The following TTN variants were observed in gnomAD, a reference collection of about 807,000 sequenced individuals.
The protein encoded by TTN is titin.
In TTN, 1,525 loss-of-function variants were observed where a neutral mutation model predicts 3,223.0. The observed-to-expected ratio is 0.47, with a 90% confidence interval of 0.45 to 0.49. The LOEUF (loss-of-function observed/expected upper bound fraction) is 0.49, where lower values mean the gene tolerates loss of function less well. Among genes scored for constraint, TTN ranks in the 20% least tolerant of loss-of-function variants. The pLI, the probability that TTN is intolerant of heterozygous loss-of-function variation, is 0.00. For missense variants in TTN, 40,786 were observed against 43,424.0 expected, an observed-to-expected ratio of 0.94 and a Z score of 5.40; for synonymous variants, 14,094 against 15,161.0, an observed-to-expected ratio of 0.93 and a Z score of 5.17.
chr2:178,685,635 G>C, intron 127 of TTN, 37 bp from the exon 128 acceptor site: 1 of 1,588,162 alleles, frequency 6.3e-7, no homozygotes, highest in Non-Finnish European at 8.6e-7. Flanking sequence ...ATAAATTACA[G>C]TGTTTTTCAT....
chr2:178,666,170 G>A (rs1320968905), intron 163 of TTN, among the ~76,000 whole-genome samples: 1 of 152,074 alleles, frequency 6.6e-6, no homozygotes, highest in Non-Finnish European at 1.5e-5. Context: ...AAAGGTGAGT[G>A]TTTTTCAAGT....
rs1042860959 is a variant in TTN at position 178,795,166 on chromosome 2, G to T, written c.1001C>A (p.Thr334Asn). ...PLLMRKTQAS[T>N]VATGPEVPPP... ...AGGCACTTCAGGACCTGTGGCCACG[G>T]TGGATGCCTGAGTCTTACGCATGAG... The change falls in exon 7 of 363, where the codon ACC becomes AAC. Residue 334 changes from threonine (T) to asparagine (N), a missense_variant. Physicochemically the swap from Thr to Asn is moderately conservative, Grantham distance 65. Transcript: ENST00000589042. The T allele has an allele frequency of 1.2e-6, 2 of 1,614,054 alleles. No homozygotes were observed. The highest frequency in any genetic ancestry group is 2.7e-5 in the African/African-American group (2 of 74,934).
Position 178,553,638 on chromosome 2 carries a change from C to A in TTN, c.89367G>T (p.Glu29789Asp). 6.2e-7 allele frequency: 1 copy of A among 1,613,820 alleles called. No individual in the cohort carries two copies. Among genetic ancestry groups the A allele is most frequent in the Non-Finnish European group, 8.5e-7 (1 of 1,179,806 alleles). Residue 29789 changes from glutamate (E) to aspartate (D), a missense_variant, in exon 334 of 363, where the codon GAG becomes GAT. Coordinates refer to ENST00000589042, the MANE Select transcript of TTN (RefSeq NM_001267550.2). ...EEWTTVSTKG[E>D]VRTTEYVVSN... is the part of the protein sequence containing the mutation. ...ATACCACATATTCTGTAGTTCTGACCTCTCCTTTGGTAGAGACAGTAGTCC... is the reference window on the plus strand; with the variant it reads ...ATACCACATATTCTGTAGTTCTGACATCTCCTTTGGTAGAGACAGTAGTCC...
rs1312330710 is a variant in TTN, at chr2:178,548,567, G to C, written c.93059C>G (p.Pro31020Arg). 1 of 1,613,890 alleles carries C rather than the reference G, an allele frequency of 6.2e-7. No homozygotes were observed. Among genetic ancestry groups the C allele is most frequent in the Middle Eastern group, 1.6e-4 (1 of 6,062 alleles). ...TVKVLDTPGP[P>R]GPITFKDVTR... ...CACATCTTTGAAGGTAATTGGGCCA[G>C]GTGGGCCTGGAGTGTCTAGCACTTT... is the stretch of plus-strand genomic sequence containing the variant. Residue 31020 changes from proline (P) to arginine (R), a missense_variant, in exon 339 of 363, where the codon CCT becomes CGT. Physicochemically the swap from Pro to Arg is moderately radical, Grantham distance 103. Coordinates refer to ENST00000589042, the MANE Select transcript of TTN (RefSeq NM_001267550.2). The surrounding 1 kb of genome is among the most constrained non-coding windows in gnomAD (Gnocchi z 4.3).
At chr2:178,746,539 T>A (rs1408293901) in intron 47 of TTN, 11 of 1,613,274 alleles carry the variant, frequency 6.8e-6, no homozygotes, top group Non-Finnish European at 9.3e-6. Flanking sequence ...CATGCTGATG[T>A]GTTACTGGAG....
intron 98 of TTN, among the ~76,000 whole-genome samples, chr2:178,710,216 C>T (rs755188031): frequency 9.9e-5 from 15 of 152,140 alleles, no homozygotes; most frequent in East Asian, 3.9e-4. Flanking sequence ...GAGGCCAAGG[C>T]GGGTGGATCA....
Position 178,705,264 on chromosome 2 carries a change from A to G in TTN, c.29514T>C (p.Tyr9838=). 6.2e-7 allele frequency: 1 copy of G among 1,613,652 alleles called. No homozygotes were observed. ...KNVDPKEYEK[Y]ARMYGITDFR... The stretch of plus-strand genomic sequence containing the variant: ...AGTCAGTGATTCCATACATGCGGGC[A>G]TATTTTTCATATTCTTTAGGATCAA... Residue 9838 remains tyrosine, a synonymous_variant, in exon 103 of 363, where the codon TAT becomes TAC. Coordinates refer to ENST00000589042, the MANE Select transcript of TTN (RefSeq NM_001267550.2).
In TTN at chr2:178,553,692, G is replaced by A. The variant is rs746897918; in HGVS notation, c.89313C>T (p.Val29771=). 7.4e-6 allele frequency: 12 copies of A among 1,613,576 alleles called. No individual in the cohort carries two copies. Among genetic ancestry groups the A allele is most frequent in the Admixed American group, 5.0e-5 (3 of 59,972 alleles). The change falls in exon 334 of 363, where the codon GTC becomes GTT. Residue 29771 remains valine (V), a synonymous_variant. Coordinates refer to ENST00000589042, the MANE Select transcript of TTN (RefSeq NM_001267550.2). ...CCTCTTCCTCTCCTTGTCTTATCTC[G>A]ACAACATACCCAGTAACAGCACTGC... ...DGGSAVTGYV[V]EIRQGEEEEW...
chr2:178,748,646 T>A, intron 47 of TTN: 1 of 1,613,056 alleles, frequency 6.2e-7, no homozygotes, highest in Non-Finnish European at 8.5e-7. Flanking sequence ...CACATCTGTG[T>A]GTTTTATTTG....
chr2:178,618,468 A>AGTTAC lies in TTN; in HGVS notation c.46985_46989dup (p.Leu15664ValfsTer3). On this transcript the variant is annotated frameshift_variant, in exon 252 of 363. Coordinates refer to ENST00000589042, the MANE Select transcript of TTN (RefSeq NM_001267550.2). LOFTEE classifies it high-confidence loss of function. ...CCATCAAATGTTTCTGTCACTTCTA[A>AGTTAC]GTTACGTACTGGCCCAGGAACATCT... The AGTTAC allele has an allele frequency of 6.2e-7, 1 of 1,612,446 alleles. No homozygotes were observed. The highest frequency in any genetic ancestry group is 8.5e-7 in the Non-Finnish European group (1 of 1,179,086).
At position 178,562,442 on chromosome 2, in the gene TTN, C is replaced by G. The variant is rs764302785; in HGVS notation, c.83690G>C (p.Gly27897Ala). 6.2e-6 allele frequency: 10 copies of G among 1,613,256 alleles called. No individual in the cohort carries two copies. Among genetic ancestry groups the G allele is most frequent in the Non-Finnish European group, 8.5e-6 (10 of 1,179,638 alleles). The change falls in exon 326 of 363, where the codon GGT becomes GCT. Residue 27897 changes from glycine to alanine, a missense_variant. By Grantham distance (60) the Gly-to-Ala change is moderately conservative (BLOSUM62 0). Coordinates refer to ENST00000589042, the MANE Select transcript of TTN (RefSeq NM_001267550.2). The stretch of plus-strand genomic sequence containing the variant: ...TTTAGTCTGCATTTCAACCACATAA[C>G]CAGTAATTTTGCTGCCACCATCACT... ...PESDGGSKIT[G>A]YVVEMQTKGS... is the part of the protein sequence containing the mutation.
chr2:178,615,824 A>G, intron 257 of TTN, 36 bp from the exon 258 acceptor site: 2 of 1,573,794 alleles, frequency 1.3e-6, no homozygotes, highest in South Asian at 1.2e-5. Flanking sequence ...AGTTATTTCC[A>G]AAAAACCCTT....
Position 178,561,878 on chromosome 2 carries a change from C to T in TTN, c.84254G>A (p.Cys28085Tyr). The change falls in exon 326 of 363, where the codon TGC (cysteine) becomes TAC (tyrosine). Residue 28085 changes from cysteine (C) to tyrosine (Y), a missense_variant. By Grantham distance (194) the Cys-to-Tyr change is radical. Coordinates refer to ENST00000589042, the MANE Select transcript of TTN (RefSeq NM_001267550.2). ...TTCAACAATGTAATTGCTAATTTGG[C>T]AGCCACCATCATATTCTGGAGGATT... ...SWNPPEYDGGCQISNYIVEKK... is the reference protein window; with the variant it reads ...SWNPPEYDGGYQISNYIVEKK... 6.2e-7 allele frequency: 1 copy of T among 1,613,566 alleles called. No individual in the cohort carries two copies. The highest frequency in any genetic ancestry group is 1.7e-5 in the Admixed American group (1 of 59,978).
chr2:178,635,819 C>G (rs140349406), intron 226 of TTN, 104 bp from the exon 227 acceptor site: 1 of 1,507,736 alleles, frequency 6.6e-7, no homozygotes, highest in Non-Finnish European at 8.9e-7. Context: ...CAATACTGGG[C>G]ATAATTAATC....
intron 115 of TTN, 38 bp from the exon 116 acceptor site, chr2:178,694,944 T>A: frequency 7.0e-7 from 1 of 1,434,852 alleles, no homozygotes; most frequent in South Asian, 1.3e-5. Flanking sequence ...ACTTTTAGAA[T>A]TCCTATTAAA....
chr2:178,598,241 A>G (rs1168887418), intron 292 of TTN, among the ~76,000 whole-genome samples, 183 bp from the exon 293 acceptor site: 1 of 152,106 alleles, frequency 6.6e-6, no homozygotes, highest in African/African-American at 2.4e-5. Flanking sequence ...GGCAGGAGTT[A>G]TGCTTTAAAA....
rs1255811280 is a variant in TTN at position 178,527,645 on chromosome 2, C to T, written c.107481G>A (p.Lys35827=). The stretch of plus-strand genomic sequence containing the variant: ...TGAAACTGCTGAAGGAGGCCTCCTG[C>T]TTGGAGGCAGACATTTGGACTGACT... The part of the protein sequence containing the change: ...SSQSVQMSAS[K]QEASFSSFSS... The change falls in exon 362 of 363, where the codon AAG becomes AAA. Residue 35827 remains lysine, a synonymous_variant. Coordinates refer to ENST00000589042, the MANE Select transcript of TTN (RefSeq NM_001267550.2). The T allele has an allele frequency of 6.2e-7, 1 of 1,613,928 alleles. No individual in the cohort carries two copies. The highest frequency in any genetic ancestry group is 8.5e-7 in the Non-Finnish European group (1 of 1,179,810).
intron 89 of TTN, 22 bp from the exon 90 acceptor site, chr2:178,715,286 A>G (rs774813123): frequency 1.3e-5 from 20 of 1,581,164 alleles, no homozygotes; most frequent in Non-Finnish European, 1.5e-5. Flanking sequence ...AAAAAGGAAA[A>G]TACGGATGTA....
intron 292 of TTN, 59 bp from the exon 293 acceptor site, chr2:178,598,117 A>C (rs2052251341): frequency 6.4e-7 from 1 of 1,554,340 alleles, no homozygotes; most frequent in African/African-American, 1.4e-5. Flanking sequence ...TTCTTGCTTT[A>C]ATGGCTTCCT....
Sources: allele counts gnomAD v4.1 joint callset (sites outside exome capture counted in the v4.1 genomes callset), GRCh38; gene constraint gnomAD v4.1.1; non-coding constraint Gnocchi (gnomAD v3.1); transcripts MANE v1.5; gene names NCBI Gene and HGNC (gene_info 2026-07-23, HGNC 2026-07-21).